Variants in ATP10B observed in about 807,000 individuals in gnomAD.
ATP10B encodes ATPase phospholipid transporting 10B (putative).
A neutral mutation model predicts 141.2 loss-of-function variants in ATP10B; 122 were observed. The observed-to-expected ratio is 0.86, with a 90% CI of 0.75 to 1.00. The LOEUF is 1.00. ATP10B is among the 50% of genes least tolerant of loss of function. The pLI is 0.00. For synonymous variants in ATP10B, 685 were observed against 692.0 expected, an observed-to-expected ratio of 0.99 and a Z score of 0.16; for missense variants, 1,876 against 1,825.3, an observed-to-expected ratio of 1.03 and a Z score of -0.51.
the ATP10B span, among the ~76,000 whole-genome samples, chr5:160,893,167 C>CA: frequency 1.3e-5 from 2 of 152,022 alleles, no homozygotes; most frequent in African/African-American, 4.8e-5. Context: ...TTTTCATACC[C>CA]AAGTGGCACC....
At chr5:160,872,510 G>C in the ATP10B span, among the ~76,000 whole-genome samples, 1 of 152,154 alleles carries the variant, frequency 6.6e-6, no homozygotes, top group Non-Finnish European at 1.5e-5. Flanking sequence ...TATAGTTTCA[G>C]GTCTTAGATT....
intron 24 of ATP10B, among the ~76,000 whole-genome samples, chr5:160,585,613 C>G (rs1284958970): frequency 6.6e-6 from 1 of 152,150 alleles, no homozygotes; most frequent in Admixed American, 6.6e-5. Flanking sequence ...AAAAAACAAA[C>G]AAAAAACCAA....
chr5:160,694,491 T>A (rs1012900914), intron 3 of ATP10B, among the ~76,000 whole-genome samples: 2 of 152,216 alleles, frequency 1.3e-5, no homozygotes, highest in African/African-American at 4.8e-5. Flanking sequence ...GTCCTCTAGA[T>A]GATAAGAAGA....
chr5:160,591,445 T>A (rs1235401663), intron 22 of ATP10B, among the ~76,000 whole-genome samples: 2 of 152,216 alleles, frequency 1.3e-5, no homozygotes, highest in Non-Finnish European at 2.9e-5. Context: ...TGTGCCTACC[T>A]AGTAAGTACT....
chr5:160,596,130 G>A (rs1330263624), intron 22 of ATP10B, among the ~76,000 whole-genome samples: 1 of 151,966 alleles, frequency 6.6e-6, no homozygotes, highest in Non-Finnish European at 1.5e-5. Context: ...GAACATTGAT[G>A]CAAAAATCCT....
At chr5:160,685,031 G>A (rs1331782456) in intron 6 of ATP10B, 2 of 703,484 alleles carry the variant, frequency 2.8e-6, no homozygotes, top group South Asian at 3.0e-5. Context: ...TTGGCAAACC[G>A]GTGTAGCTGC....
intron 1 of ATP10B, among the ~76,000 whole-genome samples, chr5:160,800,669 A>T (rs907765265): frequency 6.6e-6 from 1 of 152,216 alleles, no homozygotes; most frequent in Non-Finnish European, 1.5e-5. Context: ...AATAGTCTCC[A>T]CTTATATGGG....
intron 1 of ATP10B, among the ~76,000 whole-genome samples, chr5:160,839,136 C>A (rs1273473717): frequency 6.6e-6 from 1 of 152,108 alleles, no homozygotes; most frequent in East Asian, 1.9e-4. Context: ...TACCTAGTCT[C>A]AGGTATTCCT....
intron 24 of ATP10B, among the ~76,000 whole-genome samples, chr5:160,588,799 A>ATAGT (rs1756084271): frequency 6.6e-6 from 1 of 152,204 alleles, no homozygotes; most frequent in Non-Finnish European, 1.5e-5. Flanking sequence ...ATTAGTTTTT[A>ATAGT]TAGTTATTAC....
rs957110852 is a variant in ATP10B, at chr5:160,569,746, A to G, written c.3751-63T>C. The G allele has an allele frequency of 3.1e-6, 4 of 1,290,994 alleles. No individual in the cohort carries two copies. The African/African-American group carries it at 4.6e-5, about 15-fold the overall frequency. 80.0% of individuals were successfully genotyped at this position (1,290,994 alleles called of 1,614,324 possible). On this transcript the variant is annotated intron_variant, in intron 24 of 25. Coordinates refer to ENST00000327245, the MANE Select transcript of ATP10B (RefSeq NM_025153.3). ...GCTGAGATTAGGAGGCAGGGTGATC[A>G]AACTACTTGATTAACTTTGTTTCAA...
At chr5:160,811,865 T>G (rs1238224840) in intron 1 of ATP10B, among the ~76,000 whole-genome samples, 1 of 152,080 alleles carries the variant, frequency 6.6e-6, no homozygotes, top group Non-Finnish European at 1.5e-5. Flanking sequence ...AGTAGCCAGG[T>G]AGTAGTTACA....
chr5:160,603,873 G>T lies in ATP10B; in HGVS notation c.3237+92C>A, dbSNP rs1757232088. The stretch of plus-strand genomic sequence containing the variant: ...ATTGCAACTTTGGATGTGGGTGGAA[G>T]TTCTCAGGGAGAAGTTTCTCCAACA... On this transcript the variant is annotated intron_variant, in intron 20 of 25. Transcript: ENST00000327245. The T allele has an allele frequency of 6.3e-6, 7 of 1,108,700 alleles. No individual in the cohort carries two copies. In the South Asian group the frequency reaches 9.1e-5, roughly 14 times the overall value. 68.7% of individuals were successfully genotyped at this position (1,108,700 alleles called of 1,614,324 possible). A position where few individuals can be genotyped will look rare whatever the true frequency, so the allele number is the denominator to read the frequency against.
intron 1 of ATP10B, 110 bp from the exon 2 acceptor site, chr5:160,785,913 G>T: frequency 4.3e-6 from 1 of 235,052 alleles, no homozygotes; most frequent in Non-Finnish European, 8.4e-6. Context: ...TTTAGCTTTA[G>T]ACACACTTTA....
At position 160,784,631 on chromosome 5, in the gene ATP10B, AATG is replaced by A. The variant is rs144182345; in HGVS notation, c.-331+925_-331+927del. ...TGGAGAAACAGTCTGCATATGGTATAATGATAATGCCTTGGGTTTTATATCTAG... is the reference window on the plus strand; with the variant it reads ...TGGAGAAACAGTCTGCATATGGTATAATAATGCCTTGGGTTTTATATCTAG... On this transcript the variant is annotated intron_variant, in intron 2 of 25. Transcript: ENST00000327245. Among the ~76,000 whole-genome samples the A allele has an allele frequency of 9.3e-4, 141 of 152,298 alleles. No individual in the cohort carries two copies. In the South Asian group the frequency reaches 0.017, roughly 18 times the overall value.
chr5:160,904,004 A>C, the ATP10B span, among the ~76,000 whole-genome samples: 3 of 152,282 alleles, frequency 2.0e-5, no homozygotes, highest in Non-Finnish European at 4.4e-5. Context: ...AGGCTTGAGT[A>C]CTGATGGCGT....
At chr5:160,918,750 G>A in the ATP10B span, among the ~76,000 whole-genome samples, 1 of 152,130 alleles carries the variant, frequency 6.6e-6, no homozygotes, top group Admixed American at 6.5e-5. Flanking sequence ...ACCAGCCAAG[G>A]GAAATTTATG....
At chr5:160,639,856 G>C (rs749697104) in intron 10 of ATP10B, among the ~76,000 whole-genome samples, 14 of 152,310 alleles carry the variant, frequency 9.2e-5, no homozygotes, top group Non-Finnish European at 1.9e-4. Flanking sequence ...TGGGAGCCCT[G>C]AGCTTATTTT....
chr5:160,742,187 G>C (rs1352366414), intron 2 of ATP10B, among the ~76,000 whole-genome samples: 2 of 152,214 alleles, frequency 1.3e-5, no homozygotes, highest in Non-Finnish European at 2.9e-5. Context: ...GGATAGGAGA[G>C]TATCTTGAAA....
At chr5:160,621,833 A>T (rs1758365247) in intron 14 of ATP10B, among the ~76,000 whole-genome samples, 1 of 152,154 alleles carries the variant, frequency 6.6e-6, no homozygotes, top group Non-Finnish European at 1.5e-5. Flanking sequence ...ATTCAGCTGC[A>T]TTTTTTTCCA....
Sources: allele counts gnomAD v4.1 joint callset (sites outside exome capture counted in the v4.1 genomes callset), GRCh38; gene constraint gnomAD v4.1.1; transcripts MANE v1.5; gene names NCBI Gene and HGNC (gene_info 2026-07-23, HGNC 2026-07-21).